Variants in ANO3 observed in about 807,000 individuals in gnomAD.
ANO3 encodes the protein anoctamin-3.
Under a neutral mutation model 144.8 loss-of-function variants are expected in ANO3, and 99 were observed. The ratio of observed to expected loss-of-function variants is 0.68; its 90% confidence interval spans 0.58 to 0.81. The LOEUF (loss-of-function observed/expected upper bound fraction) is 0.81. Ranked by LOEUF, ANO3 falls within the 30% of genes least tolerant of loss-of-function variation. The probability of loss-of-function intolerance (pLI) is 0.00; values close to 1 mark genes in which losing one functional copy is unlikely to be tolerated. For missense variants in ANO3, 905 were observed against 1,202.2 expected (o/e 0.75, Z 3.66); for synonymous variants, 414 against 392.6 (o/e 1.05, Z -0.64).
At chr11:26,191,378 CACTG>C (rs1448526719) in intron 1 of ANO3, among the ~76,000 whole-genome samples, 1 of 151,914 alleles carries the variant, frequency 6.6e-6, no homozygotes, top group Non-Finnish European at 1.5e-5. Flanking sequence ...ATATTTGACT[CACTG>C]ACTGACTGGC....
chr11:26,393,621 T>G (rs1856935026), intron 1 of ANO3, among the ~76,000 whole-genome samples: 2 of 152,304 alleles, frequency 1.3e-5, no homozygotes, highest in Non-Finnish European at 2.9e-5. Context: ...TAAATTTATG[T>G]AATCATACTA....
chr11:26,614,368 G>A (rs1380131156), intron 17 of ANO3, among the ~76,000 whole-genome samples: 1 of 152,206 alleles, frequency 6.6e-6, no homozygotes, highest in African/African-American at 2.4e-5. Flanking sequence ...CAGGGTCTCA[G>A]TCCTTCGATC....
intron 1 of ANO3, among the ~76,000 whole-genome samples, chr11:26,271,945 T>C (rs920530617): frequency 1.3e-5 from 2 of 152,216 alleles, no homozygotes; most frequent in African/African-American, 4.8e-5. Flanking sequence ...ATGTTTAGTA[T>C]TGAGCATATA....
intron 14 of ANO3, chr11:26,565,050 T>C (rs1850511668): frequency 3.9e-5 from 41 of 1,048,702 alleles, no homozygotes; most frequent in Non-Finnish European, 5.0e-5. Context: ...AGAAAATCCA[T>C]GCTATTGTGT....
chr11:26,344,952 A>C (rs1263339006), intron 1 of ANO3, among the ~76,000 whole-genome samples: 2 of 83,618 alleles, frequency 2.4e-5, no homozygotes, highest in South Asian at 1.0e-3. Context: ...TATAAAACTT[A>C]CTTTTACATG....
chr11:26,352,573 T>C (rs1855675744), intron 1 of ANO3, among the ~76,000 whole-genome samples: 1 of 152,194 alleles, frequency 6.6e-6, no homozygotes. Flanking sequence ...AGAAGCAGTT[T>C]CCTAGAATAT....
At chr11:26,255,444 G>C (rs11029431) in intron 1 of ANO3, among the ~76,000 whole-genome samples, 55,534 of 151,962 alleles carry the variant, frequency 0.37, 10,324 homozygotes, top group South Asian at 0.39. Context: ...ATTGATGGCA[G>C]ATAGTAATCA....
At chr11:26,494,946 T>C (rs1860867999) in intron 4 of ANO3, among the ~76,000 whole-genome samples, 1 of 152,152 alleles carries the variant, frequency 6.6e-6, no homozygotes, top group African/African-American at 2.4e-5. Context: ...TCTTGACCTG[T>C]CCTTCAACAC....
chr11:26,494,926 A>T (rs1860867100), intron 4 of ANO3, among the ~76,000 whole-genome samples: 2 of 152,264 alleles, frequency 1.3e-5, no homozygotes, highest in South Asian at 4.1e-4. Flanking sequence ...GTTATAATCC[A>T]CTGATTTTTT....
At chr11:26,236,167 T>C (rs1007108366) in intron 1 of ANO3, among the ~76,000 whole-genome samples, 1 of 152,136 alleles carries the variant, frequency 6.6e-6, no homozygotes, top group Non-Finnish European at 1.5e-5. Flanking sequence ...TATATGAACA[T>C]TCAAGTTGCT....
At chr11:26,517,752 TA>T (rs1419313647) in intron 6 of ANO3, among the ~76,000 whole-genome samples, 1 of 152,028 alleles carries the variant, frequency 6.6e-6, no homozygotes, top group African/African-American at 2.4e-5. Flanking sequence ...CCTGCTAGCA[TA>T]AAAGAGTCCA....
At chr11:26,253,201 C>A (rs548060215) in intron 1 of ANO3, among the ~76,000 whole-genome samples, 1 of 152,190 alleles carries the variant, frequency 6.6e-6, no homozygotes, top group Admixed American at 6.5e-5. Context: ...TAATGCTTTA[C>A]ATGACAAAAG....
chr11:26,315,374 T>G (rs1854598320), intron 1 of ANO3, among the ~76,000 whole-genome samples: 1 of 152,200 alleles, frequency 6.6e-6, no homozygotes, highest in African/African-American at 2.4e-5. Flanking sequence ...TGCTGCAAGT[T>G]GCTGGGAGGA....
chr11:26,525,546 A>G (rs559199009), intron 6 of ANO3, 89 bp from the exon 7 acceptor site: 33 of 1,045,208 alleles, frequency 3.2e-5, no homozygotes, highest in East Asian at 2.0e-4. Context: ...TGGAGTATAG[A>G]AATGCTCAAT....
chr11:26,633,001 G>C (rs549037209), intron 18 of ANO3, among the ~76,000 whole-genome samples: 1 of 152,228 alleles, frequency 6.6e-6, no homozygotes, highest in Admixed American at 6.5e-5. Flanking sequence ...CTTCTGGGTG[G>C]CCCACAGACC....
intron 1 of ANO3, among the ~76,000 whole-genome samples, chr11:26,362,926 G>T (rs1855965778): frequency 6.6e-6 from 1 of 152,028 alleles, no homozygotes; most frequent in Non-Finnish European, 1.5e-5. Flanking sequence ...CTTCCCCTAA[G>T]ACTCTTATAG....
chr11:26,391,035 C>T (rs959689237), intron 1 of ANO3, among the ~76,000 whole-genome samples: 1 of 152,012 alleles, frequency 6.6e-6, no homozygotes, highest in Non-Finnish European at 1.5e-5. Context: ...TTTTCTCTTC[C>T]ACCACAACTT....
rs879551290 is a variant in ANO3 at position 26,482,421 on chromosome 11, GAT to G, written c.432+19278_432+19279del. Among the ~76,000 whole-genome samples, 772 of 118,596 alleles carry G rather than the reference GAT, an allele frequency of 6.5e-3. 4 individuals carry two copies. The highest frequency in any genetic ancestry group is 0.018 in the South Asian group (62 of 3,432). 77.8% of individuals were successfully genotyped at this position (118,596 alleles called of 152,430 possible). A position where few individuals can be genotyped will look rare whatever the true frequency, so the allele number is the denominator to read the frequency against. The stretch of plus-strand genomic sequence containing the variant: ...TCCATTTTGCAGTAATTTGAACACA[GAT>G]ATATGTGTGTGTGTGTGTGTGTGTG... On this transcript the variant is annotated intron_variant, in intron 4 of 26. Transcript: ENST00000256737.
At chr11:26,254,667 A>G (rs141987727) in intron 1 of ANO3, among the ~76,000 whole-genome samples, 1 of 152,126 alleles carries the variant, frequency 6.6e-6, no homozygotes. Flanking sequence ...GAGACATGAT[A>G]TGTTTTAGCA....
Sources: allele counts gnomAD v4.1 joint callset (sites outside exome capture counted in the v4.1 genomes callset), GRCh38; gene constraint gnomAD v4.1.1; transcripts MANE v1.5; gene names NCBI Gene and HGNC (gene_info 2026-07-23, HGNC 2026-07-21).